Variants in PKD1L1 observed in about 807,000 individuals in gnomAD.
PKD1L1 encodes the protein polycystin-1-like protein 1.
A neutral mutation model predicts 323.4 loss-of-function variants in PKD1L1; 236 were observed. The ratio of observed to expected loss-of-function variants is 0.73; its 90% confidence interval spans 0.66 to 0.81. The LOEUF is 0.81. PKD1L1 is among the 40% of genes least tolerant of loss of function. The probability of loss-of-function intolerance (pLI) is 0.00; values close to 1 mark genes in which losing one functional copy is unlikely to be tolerated. For synonymous variants in PKD1L1, 1,344 were observed against 1,335.0 expected (o/e 1.01, Z -0.15); for missense variants, 3,320 against 3,508.0 (o/e 0.95, Z 1.35).
At chr7:47,855,466 A>C (rs571821292) in intron 28 of PKD1L1, among the ~76,000 whole-genome samples, 1 of 152,372 alleles carries the variant, frequency 6.6e-6, no homozygotes, top group African/African-American at 2.4e-5. Flanking sequence ...CTTCATTTGC[A>C]TCATTCTTAT....
At chr7:47,799,157 T>G (rs1028103473) in intron 54 of PKD1L1, among the ~76,000 whole-genome samples, 1 of 152,150 alleles carries the variant, frequency 6.6e-6, no homozygotes, top group Non-Finnish European at 1.5e-5. Context: ...AATGAGTGAG[T>G]GCATGAATGA....
At chr7:47,875,898 T>C (rs573001309) in intron 23 of PKD1L1, among the ~76,000 whole-genome samples, 199 bp downstream of exon 23, 4 of 152,350 alleles carry the variant, frequency 2.6e-5, no homozygotes, top group Admixed American at 6.5e-5. Context: ...ATTTAAGATA[T>C]AAAAAACTGA....
chr7:47,948,122 C>A (rs1403472137), intron 1 of PKD1L1, among the ~76,000 whole-genome samples: 1 of 152,164 alleles, frequency 6.6e-6, no homozygotes, highest in Non-Finnish European at 1.5e-5. Flanking sequence ...TGGAAGGTAT[C>A]CTGCATTTGC....
intron 37 of PKD1L1, among the ~76,000 whole-genome samples, chr7:47,836,374 C>A (rs1262585367): frequency 3.3e-5 from 5 of 152,148 alleles, no homozygotes; most frequent in Non-Finnish European, 7.4e-5. Context: ...GTAAACAAGT[C>A]AGTTTTGCCT....
intron 7 of PKD1L1, among the ~76,000 whole-genome samples, chr7:47,922,276 G>C (rs534917967): frequency 9.9e-5 from 15 of 152,142 alleles, no homozygotes; most frequent in Non-Finnish European, 4.4e-5. Context: ...CTCCACCTCC[G>C]AGCCGCCTGC....
Position 47,803,338 on chromosome 7 carries a change from G to A in PKD1L1, c.7834C>T (p.Arg2612Ter). 6.2e-7 allele frequency: 1 copy of A among 1,613,732 alleles called. No individual in the cohort carries two copies. The highest frequency in any genetic ancestry group is 8.5e-7 in the Non-Finnish European group (1 of 1,179,974). ...TLMASWNQRARWLRGILLFLF... is the reference protein window; with the variant it reads ...TLMASWNQRA ...AATAAGAGGATTCCCCGGAGCCATC[G>A]AGCCCTCTGAGACAGAAGAACATAA... Residue 2612 changes from arginine to a stop codon, truncating the protein, a stop_gained, in exon 53 of 57, where the codon CGA becomes TGA. Coordinates refer to ENST00000289672, the MANE Select transcript of PKD1L1 (RefSeq NM_138295.5). LOFTEE classifies it high-confidence loss of function.
intron 24 of PKD1L1, among the ~76,000 whole-genome samples, chr7:47,870,284 C>A (rs1363661902): frequency 6.6e-6 from 1 of 151,626 alleles, no homozygotes; most frequent in Admixed American, 6.6e-5. Context: ...AGAAAAACAA[C>A]CACAACAATA....
chr7:47,855,441 G>C (rs547803554), intron 28 of PKD1L1, among the ~76,000 whole-genome samples, 176 bp from the exon 29 acceptor site: 1 of 152,160 alleles, frequency 6.6e-6, no homozygotes, highest in Non-Finnish European at 1.5e-5. Flanking sequence ...TGGCAGGATT[G>C]GAGTGAATAT....
Position 47,936,967 on chromosome 7 carries a change from AAAAATAAT to A in PKD1L1, c.286-17_286-10del, listed in dbSNP as rs1200284456. The A allele has an allele frequency of 1.5e-5, 23 of 1,582,920 alleles. No homozygotes were observed. The highest frequency in any genetic ancestry group is 2.0e-5 in the Non-Finnish European group (23 of 1,158,688). Reference sequence around the variant, plus strand: ...GTTGTTTTCCAAATGTTCTGTAAGAAAAAATAATAAAATAATGTGAGAGAGCTGCTTAT... The same window carrying A: ...GTTGTTTTCCAAATGTTCTGTAAGAAAAAATAATGTGAGAGAGCTGCTTAT... On this transcript the variant is annotated splice_polypyrimidine_tract_variant and intron_variant, in intron 3 of 56. Coordinates refer to ENST00000289672, the MANE Select transcript of PKD1L1 (RefSeq NM_138295.5).
In PKD1L1 at chr7:47,890,748, G is replaced by A. The variant is rs138543306; in HGVS notation, c.2469C>T (p.Cys823=). 3.6e-5 allele frequency: 58 copies of A among 1,612,250 alleles called. No homozygotes were observed. Among genetic ancestry groups the A allele is most frequent in the Middle Eastern group, 2.1e-4 (1 of 4,712 alleles). The change falls in exon 16 of 57, where the codon TGC becomes TGT. Residue 823 remains cysteine (C), a synonymous_variant. Transcript: ENST00000289672. Reference sequence around the variant, plus strand: ...GATGTGCTGGGGAGCCAGCGGTGGCGCATTCCCAGTGATACCTGTTGGAGA... The same window carrying A: ...GATGTGCTGGGGAGCCAGCGGTGGCACATTCCCAGTGATACCTGTTGGAGA... The part of the protein sequence containing the change: ...PGATLRYHWE[C]ATAGSPAHPC...
intron 56 of PKD1L1, among the ~76,000 whole-genome samples, chr7:47,780,904 A>C (rs1366377133): frequency 2.0e-5 from 3 of 152,182 alleles, no homozygotes. Context: ...CTAAGTCTTC[A>C]CTTCTTTGGG....
intron 7 of PKD1L1, among the ~76,000 whole-genome samples, chr7:47,928,869 T>C (rs1443933409): frequency 1.3e-5 from 2 of 152,206 alleles, no homozygotes; most frequent in Non-Finnish European, 1.5e-5. Flanking sequence ...CAATAGTTAT[T>C]ATTTTTAGAA....
At chr7:47,950,951 C>G (rs1426391762), upstream of PKD1L1, among the ~76,000 whole-genome samples, 2 of 152,192 alleles carry the variant, frequency 1.3e-5, no homozygotes, top group Admixed American at 6.5e-5. Flanking sequence ...ACTCCTCCAC[C>G]TGGGGTTTGC....
chr7:47,783,642 C>G (rs1278773418), intron 56 of PKD1L1, among the ~76,000 whole-genome samples: 2 of 152,100 alleles, frequency 1.3e-5, no homozygotes, highest in Admixed American at 6.5e-5. Flanking sequence ...GGGAGAATGC[C>G]CTGTAAAAAA....
intron 7 of PKD1L1, among the ~76,000 whole-genome samples, chr7:47,925,745 T>C (rs1787645302): frequency 6.6e-6 from 1 of 152,120 alleles, no homozygotes. Context: ...ACATGACAGA[T>C]AGCAGGCCCT....
chr7:47,877,712 T>G, intron 21 of PKD1L1, 81 bp from the exon 22 acceptor site: 1 of 1,486,844 alleles, frequency 6.7e-7, no homozygotes, highest in Non-Finnish European at 9.0e-7. Context: ...TAGATAAACC[T>G]TATAGCAGGG....
At chr7:47,824,514 G>A (rs185747331) in intron 45 of PKD1L1, among the ~76,000 whole-genome samples, 18 of 152,110 alleles carry the variant, frequency 1.2e-4, no homozygotes, top group Middle Eastern at 6.8e-3. Context: ...GTTCTTTTCC[G>A]TCCTTAGAGA....
intron 7 of PKD1L1, among the ~76,000 whole-genome samples, chr7:47,923,195 G>A (rs930258247): frequency 6.6e-5 from 10 of 152,124 alleles, no homozygotes; most frequent in Non-Finnish European, 8.8e-5. Context: ...CAAACACTGC[G>A]GAAGGCGGTG....
chr7:47,886,310 CA>C (rs1786683626), intron 17 of PKD1L1, among the ~76,000 whole-genome samples: 1 of 150,460 alleles, frequency 6.6e-6, no homozygotes, highest in Non-Finnish European at 1.5e-5. Context: ...TTTGCTCTTC[CA>C]AGTCGGGGGG....
Sources: gnomAD v4.1 joint callset for allele counts (sites outside exome capture counted in the v4.1 genomes callset) on GRCh38, gnomAD v4.1.1 for gene constraint, MANE v1.5 for transcripts, NCBI Gene and HGNC (gene_info 2026-07-23, HGNC 2026-07-21) for gene names.